The following NR2C2 variants were observed in gnomAD, a reference collection of about 807,000 sequenced individuals.
NR2C2 encodes the protein nuclear receptor subfamily 2 group C member 2, also known as Nuclear hormone receptor TR4.
Under a neutral mutation model 62.9 loss-of-function variants are expected in NR2C2, and 6 were observed. That is an observed-to-expected ratio of 0.10 (90% confidence interval 0.05 to 0.19). NR2C2 has a LOEUF of 0.19. Among genes scored for constraint, NR2C2 ranks in the 10% least tolerant of loss-of-function variants. NR2C2 has a pLI of 1.00. For synonymous variants in NR2C2, 272 were observed against 273.8 expected (o/e 0.99, Z 0.07); for missense variants, 479 against 762.7 (o/e 0.63, Z 4.38).
At chr3:14,957,709 T>C (rs116096140) in intron 1 of NR2C2, among the ~76,000 whole-genome samples, 2,404 of 152,302 alleles carry the variant, frequency 0.016, 68 homozygotes, top group African/African-American at 0.054. Flanking sequence ...TTTAAGAATC[T>C]GCCTTCATCT....
intron 11 of NR2C2, among the ~76,000 whole-genome samples, chr3:15,036,255 C>T (rs760285707): frequency 6.6e-6 from 1 of 151,848 alleles, no homozygotes; most frequent in South Asian, 2.1e-4. Context: ...CCAGGACATA[C>T]GTACCTCACC....
intron 2 of NR2C2, among the ~76,000 whole-genome samples, chr3:15,011,279 C>T (rs929700290): frequency 6.6e-6 from 1 of 152,138 alleles, no homozygotes; most frequent in Admixed American, 6.5e-5. Flanking sequence ...GTTGAGACTG[C>T]GGTGAGCCAT....
At chr3:14,969,101 C>T (rs1303888969) in intron 1 of NR2C2, among the ~76,000 whole-genome samples, 1 of 150,378 alleles carries the variant, frequency 6.6e-6, no homozygotes, top group Admixed American at 6.6e-5. Flanking sequence ...CTAACCTGCA[C>T]ATTGTGCACA....
chr3:15,016,265 C>A lies in NR2C2; in HGVS notation c.376+11C>A, dbSNP rs2041509280. 1.9e-6 allele frequency: 3 copies of A among 1,595,652 alleles called. No individual in the cohort carries two copies. The highest frequency in any genetic ancestry group is 2.6e-6 in the Non-Finnish European group (3 of 1,163,536). ...GCGACAAAGCCTCCGGTATGTAGTT[C>A]CAGGTTATGCTGGCACTTATAATGG... On this transcript the variant is annotated intron_variant, in intron 4 of 13. Coordinates refer to ENST00000425241, the MANE Select transcript of NR2C2 (RefSeq NM_001291694.2).
chr3:14,967,973 A>G (rs2039908710), intron 1 of NR2C2, among the ~76,000 whole-genome samples: 1 of 152,078 alleles, frequency 6.6e-6, no homozygotes, highest in Non-Finnish European at 1.5e-5. Flanking sequence ...CTTACACCTT[A>G]TACAAAAATC....
chr3:15,020,986 T>C, intron 5 of NR2C2, 54 bp downstream of exon 5: 4 of 1,518,040 alleles, frequency 2.6e-6, no homozygotes, highest in African/African-American at 2.8e-5. Context: ...AGACAGTAAA[T>C]GAGTCCATTA....
intron 9 of NR2C2, among the ~76,000 whole-genome samples, chr3:15,031,047 C>G (rs543716936): frequency 6.6e-6 from 1 of 152,274 alleles, no homozygotes; most frequent in Admixed American, 6.5e-5. Context: ...GTGGTAACTG[C>G]TGAGGGCTGA....
At chr3:15,016,563 G>T (rs1006754265) in intron 4 of NR2C2, among the ~76,000 whole-genome samples, 2 of 152,170 alleles carry the variant, frequency 1.3e-5, no homozygotes, top group Non-Finnish European at 2.9e-5. Flanking sequence ...ACAGCACTTG[G>T]CTATTTTACA....
chr3:14,972,149 C>T (rs1213104989), intron 1 of NR2C2, among the ~76,000 whole-genome samples: 1 of 147,992 alleles, frequency 6.8e-6, no homozygotes, highest in Non-Finnish European at 1.5e-5. Context: ...TTCTCATTCT[C>T]TCTCTTTTTT....
At chr3:14,949,551 C>T (rs780736103) in intron 1 of NR2C2, among the ~76,000 whole-genome samples, 42 of 152,298 alleles carry the variant, frequency 2.8e-4, no homozygotes, top group Middle Eastern at 3.4e-3. Flanking sequence ...GAAAATACAG[C>T]CTTCATATGA....
chr3:14,965,618 A>G (rs540043897), intron 1 of NR2C2, among the ~76,000 whole-genome samples: 3 of 150,030 alleles, frequency 2.0e-5, no homozygotes, highest in African/African-American at 4.9e-5. Flanking sequence ...CCTGTTTAAA[A>G]TATTTCCTAG....
At chr3:15,036,540 G>A (rs1165992373) in intron 11 of NR2C2, among the ~76,000 whole-genome samples, 1 of 152,154 alleles carries the variant, frequency 6.6e-6, no homozygotes, top group Non-Finnish European at 1.5e-5. Flanking sequence ...TTGCCAGGCT[G>A]GAGTGCAGTA....
intron 4 of NR2C2, among the ~76,000 whole-genome samples, chr3:15,019,790 C>T (rs546269588): frequency 2.7e-4 from 41 of 152,170 alleles, no homozygotes; most frequent in Non-Finnish European, 3.4e-4. Flanking sequence ...AAAGACTGAC[C>T]AACTGGTACA....
chr3:14,949,366 C>T (rs987703518), intron 1 of NR2C2, among the ~76,000 whole-genome samples: 4 of 152,170 alleles, frequency 2.6e-5, no homozygotes, highest in African/African-American at 9.7e-5. Flanking sequence ...CAGGACATCC[C>T]GTGTAACGGC....
At chr3:15,007,428 C>T (rs776523562) in intron 2 of NR2C2, among the ~76,000 whole-genome samples, 4 of 152,154 alleles carry the variant, frequency 2.6e-5, no homozygotes, top group Non-Finnish European at 4.4e-5. Context: ...TGCCCAGCCC[C>T]CTGACCTCTC....
intron 1 of NR2C2, among the ~76,000 whole-genome samples, chr3:14,975,409 G>A (rs1366655735): frequency 2.0e-5 from 3 of 152,128 alleles, no homozygotes; most frequent in East Asian, 1.9e-4. Flanking sequence ...ATTTTGTTAC[G>A]TGTTTTAATC....
At chr3:14,957,612 C>CA (rs2039563595) in intron 1 of NR2C2, among the ~76,000 whole-genome samples, 1 of 152,104 alleles carries the variant, frequency 6.6e-6, no homozygotes, top group Non-Finnish European at 1.5e-5. Context: ...GATAAGGTCT[C>CA]ACGATGTTGC....
At chr3:15,003,293 G>C (rs572921484) in intron 1 of NR2C2, among the ~76,000 whole-genome samples, 8 of 152,258 alleles carry the variant, frequency 5.3e-5, no homozygotes, top group African/African-American at 1.9e-4. Flanking sequence ...GCCTGCTTCA[G>C]ATACCCAGGT....
intron 1 of NR2C2, among the ~76,000 whole-genome samples, chr3:14,989,291 C>T (rs980867582): frequency 6.6e-6 from 1 of 152,178 alleles, no homozygotes; most frequent in Non-Finnish European, 1.5e-5. Context: ...TCTTCATTTG[C>T]TCTGACTACA....
Sources: allele counts gnomAD v4.1 joint callset (sites outside exome capture counted in the v4.1 genomes callset), GRCh38; gene constraint gnomAD v4.1.1; transcripts MANE v1.5; gene names NCBI Gene and HGNC (gene_info 2026-07-23, HGNC 2026-07-21).